PUS7: variants seen among roughly 807,000 people sequenced by gnomAD.
PUS7 encodes the protein pseudouridylate synthase 7 homolog.
Under a neutral mutation model 79.8 loss-of-function variants are expected in PUS7, and 48 were observed. The ratio of observed to expected loss-of-function variants is 0.60; its 90% confidence interval spans 0.48 to 0.76. The LOEUF is 0.76. Ranked by LOEUF, PUS7 falls within the 30% of genes least tolerant of loss-of-function variation. The pLI is 0.00. For missense variants in PUS7, 729 were observed against 797.6 expected (o/e 0.91, Z 1.04); for synonymous variants, 286 against 272.2 (o/e 1.05, Z -0.50).
chr7:105,468,535 TGA>T (rs1823751532), intron 11 of PUS7, 72 bp from the exon 12 acceptor site: 10 of 1,288,248 alleles, frequency 7.8e-6, no homozygotes, highest in Middle Eastern at 2.1e-4. Context: ...TTTTTTTTTT[TGA>T]GATGGGGTCT....
intron 9 of PUS7, among the ~76,000 whole-genome samples, chr7:105,474,543 C>T (rs1049504045): frequency 1.9e-4 from 28 of 150,058 alleles, no homozygotes; most frequent in African/African-American, 2.5e-4. Flanking sequence ...CTGAGGCACG[C>T]GAATCACAAA....
Position 105,506,008 on chromosome 7 carries a change from G to A in PUS7, c.532C>T (p.Arg178Ter), listed in dbSNP as rs774808091. 4.3e-6 allele frequency: 7 copies of A among 1,613,580 alleles called. No individual in the cohort carries two copies. Among genetic ancestry groups the A allele is most frequent in the African/African-American group, 2.7e-5 (2 of 74,880 alleles). ...FTVLTAEEKQ[R>*]LEELQLFKNK... ...TTGAACAGCTGGAGCTCTTCCAATCGCTGCTTTTCTTCAGCTGTCAAAACT... is the reference window on the plus strand; with the variant it reads ...TTGAACAGCTGGAGCTCTTCCAATCACTGCTTTTCTTCAGCTGTCAAAACT... Residue 178 changes from arginine to a stop codon, truncating the protein, a stop_gained, in exon 4 of 16, where the codon CGA becomes TGA. Transcript: ENST00000469408. LOFTEE classifies it high-confidence loss of function.
At chr7:105,497,863 C>CAA (rs1825099277) in intron 5 of PUS7, among the ~76,000 whole-genome samples, 1 of 152,154 alleles carries the variant, frequency 6.6e-6, no homozygotes, top group Non-Finnish European at 1.5e-5. Context: ...ACATAGGTTC[C>CAA]ATATACTATT....
intron 15 of PUS7, among the ~76,000 whole-genome samples, chr7:105,458,398 T>C (rs541326941): frequency 3.3e-5 from 5 of 151,432 alleles, no homozygotes; most frequent in South Asian, 2.1e-4. Flanking sequence ...GTAGCTGGGA[T>C]TACAGGTGCC....
At chr7:105,507,187 AG>A (rs1825502930) in intron 2 of PUS7, among the ~76,000 whole-genome samples, 3 of 152,018 alleles carry the variant, frequency 2.0e-5, no homozygotes. Context: ...CTGGGATTAC[AG>A]GCGCGTGCCA....
At chr7:105,490,698 T>C (rs1464228793) in intron 7 of PUS7, among the ~76,000 whole-genome samples, 9 of 152,224 alleles carry the variant, frequency 5.9e-5, no homozygotes, top group African/African-American at 2.2e-4. Context: ...CCAAATATGC[T>C]TTCCAACGTC....
At chr7:105,481,681 G>A (rs553893282) in intron 8 of PUS7, among the ~76,000 whole-genome samples, 1 of 150,890 alleles carries the variant, frequency 6.6e-6, no homozygotes, top group African/African-American at 2.4e-5. Context: ...TACTTTCTAT[G>A]TCCATGGATT....
In PUS7 at chr7:105,481,152, C is replaced by T; in HGVS notation, c.1075G>A (p.Val359Ile). 6.2e-7 allele frequency: 1 copy of T among 1,610,172 alleles called. No individual in the cohort carries two copies. Among genetic ancestry groups the T allele is most frequent in the Non-Finnish European group, 8.5e-7 (1 of 1,178,418 alleles). The change falls in exon 9 of 16, where the codon GTA becomes ATA. Residue 359 changes from valine to isoleucine, a missense_variant. Physicochemically the swap from Val to Ile is conservative, Grantham distance 29. Coordinates refer to ENST00000469408, the MANE Select transcript of PUS7 (RefSeq NM_019042.5). ...TTGAGAGAGTTCATAGCTTGCTGTA[C>T]TTGGTCATCAGTTCCTGTTATATTT... ...LRNITGTDDQ[V>I]QQAMNSLKEI...
intron 4 of PUS7, 124 bp downstream of exon 4, chr7:105,505,831 A>G: frequency 2.6e-6 from 2 of 770,050 alleles, no homozygotes; most frequent in Non-Finnish European, 2.1e-6. Flanking sequence ...AATATCCTTT[A>G]GATCCAATAG....
chr7:105,481,538 A>T (rs1479644957), intron 8 of PUS7, among the ~76,000 whole-genome samples: 1 of 152,182 alleles, frequency 6.6e-6, no homozygotes, highest in Non-Finnish European at 1.5e-5. Context: ...GGTTAATTAT[A>T]TGCACAATGT....
intron 9 of PUS7, among the ~76,000 whole-genome samples, chr7:105,475,193 C>CTT (rs67059780): frequency 4.7e-5 from 7 of 150,006 alleles, no homozygotes; most frequent in Admixed American, 1.3e-4. Context: ...ATGTTTTGTA[C>CTT]TTTTTTTTTT....
chr7:105,487,249 G>T (rs6971072), intron 7 of PUS7, among the ~76,000 whole-genome samples: 1 of 151,788 alleles, frequency 6.6e-6, no homozygotes, highest in African/African-American at 2.4e-5. Flanking sequence ...AGTCACTCCC[G>T]TTTCCTCTCC....
At position 105,502,439 on chromosome 7, in the gene PUS7, A is replaced by C. The variant is rs200143128; in HGVS notation, c.711T>G (p.Ala237=). The change falls in exon 5 of 16, where the codon GCT becomes GCG. Residue 237 remains alanine, a synonymous_variant. Transcript: ENST00000469408. ...GKKYIVAYHA[A]GKKALANPRK... ...ACCTACTTGCCAAAGCCTTTTTCCC[A>C]GCTGCGTGGTAGGCTACAATGTATT... is the stretch of plus-strand genomic sequence containing the variant. The C allele has an allele frequency of 9.9e-5, 159 of 1,613,974 alleles. No homozygotes were observed. Among genetic ancestry groups the C allele is most frequent in the Admixed American group, 8.3e-5 (5 of 59,958 alleles).
chr7:105,466,901 G>T (rs1475123094), intron 12 of PUS7, among the ~76,000 whole-genome samples: 1 of 152,118 alleles, frequency 6.6e-6, no homozygotes, highest in African/African-American at 2.4e-5. Context: ...AACAGAGTTA[G>T]AACCTTAGTG....
chr7:105,458,047 AG>A, intron 15 of PUS7, 121 bp from the exon 16 acceptor site: 3 of 1,130,796 alleles, frequency 2.7e-6, no homozygotes, highest in African/African-American at 1.6e-5. Flanking sequence ...TCCACTTCCT[AG>A]GGGGCCTTGG....
At chr7:105,464,394 G>A (rs867949619) in intron 13 of PUS7, among the ~76,000 whole-genome samples, 1 of 152,168 alleles carries the variant, frequency 6.6e-6, no homozygotes, top group Non-Finnish European at 1.5e-5. Flanking sequence ...TGTCGGTGAG[G>A]GTGTTTCTAG....
chr7:105,498,938 C>G (rs1414576920), intron 5 of PUS7, among the ~76,000 whole-genome samples: 3 of 152,112 alleles, frequency 2.0e-5, no homozygotes, highest in Non-Finnish European at 4.4e-5. Context: ...TCCATTGTCT[C>G]CCTTGCATAT....
At chr7:105,501,459 G>A (rs1825245474) in intron 5 of PUS7, among the ~76,000 whole-genome samples, 1 of 152,078 alleles carries the variant, frequency 6.6e-6, no homozygotes, top group African/African-American at 2.4e-5. Context: ...TGTGGCTGTA[G>A]ATAACACATT....
At chr7:105,511,747 C>T (rs545471010) in intron 1 of PUS7, among the ~76,000 whole-genome samples, 3 of 151,548 alleles carry the variant, frequency 2.0e-5, no homozygotes, top group African/African-American at 4.8e-5. Context: ...GGCAACAGAG[C>T]GAGTCTCCAT....
Sources: allele counts gnomAD v4.1 joint callset (sites outside exome capture counted in the v4.1 genomes callset), GRCh38; gene constraint gnomAD v4.1.1; transcripts MANE v1.5; gene names NCBI Gene and HGNC (gene_info 2026-07-23, HGNC 2026-07-21).